SPPL2A: variants seen among roughly 807,000 people sequenced by gnomAD.
The protein encoded by SPPL2A is signal peptide peptidase like 2A, also known as signal peptide peptidase-like 2A.
Under a neutral mutation model 63.8 loss-of-function variants are expected in SPPL2A, and 51 were observed. The ratio of observed to expected loss-of-function variants is 0.80; its 90% CI spans 0.64 to 1.01. SPPL2A has a LOEUF of 1.01. SPPL2A is among the 50% of genes least tolerant of loss of function. The pLI is 0.00. For synonymous variants in SPPL2A, 188 were observed against 205.8 expected (o/e 0.91, Z 0.74); for missense variants, 553 against 622.7 (o/e 0.89, Z 1.19).
At chr15:50,754,586 A>T (rs189469402) in intron 1 of SPPL2A, among the ~76,000 whole-genome samples, 1 of 152,338 alleles carries the variant, frequency 6.6e-6, no homozygotes, top group Admixed American at 6.5e-5. Context: ...AACACAAAAC[A>T]AGAAAGTATA....
intron 14 of SPPL2A, among the ~76,000 whole-genome samples, chr15:50,719,067 C>A: frequency 6.6e-6 from 1 of 151,894 alleles, no homozygotes; most frequent in East Asian, 1.9e-4. Context: ...ATACCAAGAA[C>A]ATTTAGGGGG....
chr15:50,736,750 AC>A lies in SPPL2A; in HGVS notation c.734-11del, dbSNP rs1051125157. Reference sequence around the variant, plus strand: ...GCTATCATAACATAAACTGAAAAAAACAAAACACTAAATTACATGAGAACAG... The same window carrying A: ...GCTATCATAACATAAACTGAAAAAAAAAAACACTAAATTACATGAGAACAG... On this transcript the variant is annotated splice_polypyrimidine_tract_variant and intron_variant, in intron 6 of 14. Transcript: ENST00000261854. 9 of 1,381,812 alleles carry A rather than the reference AC, an allele frequency of 6.5e-6. No individual in the cohort carries two copies. Among genetic ancestry groups the A allele is most frequent in the Non-Finnish European group, 8.3e-6 (8 of 969,588 alleles). The allele number at this position is 1,381,812 out of a possible 1,614,324, so 85.6% of individuals were successfully genotyped here.
chr15:50,725,715 G>A (rs2062681949), intron 11 of SPPL2A, among the ~76,000 whole-genome samples: 2 of 152,172 alleles, frequency 1.3e-5, no homozygotes, highest in Admixed American at 6.5e-5. Flanking sequence ...ACAGGCATGA[G>A]CCACCGTGCC....
At chr15:50,736,901 C>A (rs533328185) in intron 6 of SPPL2A, among the ~76,000 whole-genome samples, 161 bp from the exon 7 acceptor site, 1 of 149,142 alleles carries the variant, frequency 6.7e-6, no homozygotes, top group African/African-American at 2.4e-5. Context: ...AAATTTAGAT[C>A]GTGAGGTTTT....
chr15:50,744,621 A>C (rs2062844699), intron 5 of SPPL2A, among the ~76,000 whole-genome samples: 1 of 152,234 alleles, frequency 6.6e-6, no homozygotes, highest in African/African-American at 2.4e-5. Flanking sequence ...TTTTATGTAC[A>C]TTTGAAATTT....
Position 50,707,396 on chromosome 15 carries a change from C to T in SPPL2A, c.*404G>A, listed in dbSNP as rs544349551. The T allele has an allele frequency of 6.5e-6, 1 of 154,970 alleles. No individual in the cohort carries two copies. The highest frequency in any genetic ancestry group is 2.0e-4 in the South Asian group (1 of 4,962). The allele number at this position is 154,970 out of a possible 1,614,324, so 9.6% of individuals were successfully genotyped here. A position where few individuals can be genotyped will look rare whatever the true frequency, so the allele number is the denominator to read the frequency against. On this transcript the variant is annotated 3_prime_UTR_variant, in exon 15 of 15. Transcript: ENST00000261854. ...CCTCCCAAAGTGTTGGGATTACAGG[C>T]GTGAGCCACCGCGCCTGGCCAATTT...
chr15:50,747,688 C>A, intron 4 of SPPL2A, 60 bp from the exon 5 acceptor site: 1 of 1,214,442 alleles, frequency 8.2e-7, no homozygotes, highest in Non-Finnish European at 1.2e-6. Flanking sequence ...ATAGTCATAA[C>A]AGCAATAGTC....
At chr15:50,754,614 A>T (rs2062939212) in intron 1 of SPPL2A, among the ~76,000 whole-genome samples, 1 of 152,248 alleles carries the variant, frequency 6.6e-6, no homozygotes, top group African/African-American at 2.4e-5. Flanking sequence ...TGGGGAGATT[A>T]AAAGCAAACT....
At chr15:50,761,308 C>T in intron 1 of SPPL2A, among the ~76,000 whole-genome samples, 1 of 152,124 alleles carries the variant, frequency 6.6e-6, no homozygotes, top group Admixed American at 6.6e-5. Context: ...CTTCAAAGAA[C>T]TTTGAAGCAA....
chr15:50,756,535 T>G (rs1209826587), intron 1 of SPPL2A, among the ~76,000 whole-genome samples: 1 of 152,008 alleles, frequency 6.6e-6, no homozygotes, highest in Non-Finnish European at 1.5e-5. Context: ...TGGTCTGGTC[T>G]TCTATGGCTT....
intron 3 of SPPL2A, 82 bp downstream of exon 3, chr15:50,748,606 C>T: frequency 1.1e-6 from 1 of 927,036 alleles, no homozygotes; most frequent in Non-Finnish European, 1.6e-6. Flanking sequence ...GCCTCTAAAC[C>T]ACACACAAAG....
chr15:50,710,366 T>C (rs2062546524), intron 14 of SPPL2A, among the ~76,000 whole-genome samples: 1 of 152,094 alleles, frequency 6.6e-6, no homozygotes, highest in Non-Finnish European at 1.5e-5. Flanking sequence ...TCCCTGAACA[T>C]AGAAATATAT....
intron 8 of SPPL2A, among the ~76,000 whole-genome samples, chr15:50,733,739 A>T (rs2062748447): frequency 6.6e-6 from 1 of 152,178 alleles, no homozygotes; most frequent in Admixed American, 6.5e-5. Context: ...CCACAGAATG[A>T]AAGAAAATAT....
intron 13 of SPPL2A, among the ~76,000 whole-genome samples, chr15:50,720,517 CTTTTTTT>C (rs750969318): frequency 1.5e-4 from 16 of 105,586 alleles, no homozygotes; most frequent in African/African-American, 4.2e-4. Context: ...TTGAACTTTT[CTTTTTTT>C]TTTTTTTTTT....
intron 14 of SPPL2A, among the ~76,000 whole-genome samples, chr15:50,712,662 T>C (rs955389752): frequency 2.7e-3 from 198 of 72,632 alleles, no homozygotes; most frequent in Admixed American, 3.2e-3. Flanking sequence ...CCTCCCTTCC[T>C]CCCTCCCTCC....
At chr15:50,736,865 G>A (rs1355651864) in intron 6 of SPPL2A, 125 bp from the exon 7 acceptor site, 32 of 526,544 alleles carry the variant, frequency 6.1e-5, no homozygotes, top group African/African-American at 1.6e-4. Flanking sequence ...GTGACTATAC[G>A]ATGACCTGAA....
intron 3 of SPPL2A, 66 bp from the exon 4 acceptor site, chr15:50,748,268 C>A: frequency 1.7e-6 from 1 of 593,750 alleles, no homozygotes; most frequent in South Asian, 2.9e-5. Flanking sequence ...AATACTATTC[C>A]ATTAAATATA....
Position 50,706,441 on chromosome 15 carries a change from C to A in SPPL2A, c.*1359G>T, listed in dbSNP as rs921296447. ...AACTGAGATACAAGGTCTTGAGATG[C>A]GGCAAATTACTCAACTCTTCCTTGT... On this transcript the variant is annotated 3_prime_UTR_variant, in exon 15 of 15. Transcript: ENST00000261854. 6.8e-6 allele frequency: 1 copy of A among 147,108 alleles called. No homozygotes were observed. The highest frequency in any genetic ancestry group is 1.5e-5 in the Non-Finnish European group (1 of 66,842). 9.1% of individuals were successfully genotyped at this position (147,108 alleles called of 1,614,324 possible).
Position 50,765,559 on chromosome 15 carries a change from G to A in SPPL2A, c.-26C>T. 6.9e-7 allele frequency: 1 copy of A among 1,450,208 alleles called. No homozygotes were observed. The highest frequency in any genetic ancestry group is 9.0e-7 in the Non-Finnish European group (1 of 1,105,880). 89.8% of individuals were successfully genotyped at this position (1,450,208 alleles called of 1,614,324 possible). A position where few individuals can be genotyped will look rare whatever the true frequency, so the allele number is the denominator to read the frequency against. The stretch of plus-strand genomic sequence containing the variant: ...CGGACTGGTGGGTGCCGGGTGGGAC[G>A]GCACGGTGCGGCGCAGCTCACTCGG... On this transcript the variant is annotated 5_prime_UTR_variant, in exon 1 of 15. Transcript: ENST00000261854.
Sources: gnomAD v4.1 joint callset for allele counts (sites outside exome capture counted in the v4.1 genomes callset) on GRCh38, gnomAD v4.1.1 for gene constraint, MANE v1.5 for transcripts, NCBI Gene and HGNC (gene_info 2026-07-23, HGNC 2026-07-21) for gene names.